Variants in LSAMP observed in about 807,000 individuals in gnomAD.
LSAMP encodes limbic system-associated membrane protein.
In LSAMP, 7 loss-of-function variants were observed where a neutral mutation model predicts 38.6. That is an observed-to-expected ratio of 0.18 (90% CI 0.10 to 0.34). The LOEUF is 0.34. Among genes scored for constraint, LSAMP ranks in the 10% least tolerant of loss-of-function variants. LSAMP has a pLI of 1.00. For missense variants in LSAMP, 313 were observed against 420.0 expected, an observed-to-expected ratio of 0.75 and a Z score of 2.23; for synonymous variants, 154 against 166.8, an observed-to-expected ratio of 0.92 and a Z score of 0.59.
intron 6 of LSAMP, among the ~76,000 whole-genome samples, chr3:115,837,042 G>A (rs554519391): frequency 2.6e-5 from 4 of 151,864 alleles, no homozygotes; most frequent in Admixed American, 2.6e-4. Context: ...ACTGTGCTTG[G>A]CCTAGGCTTT....
chr3:116,352,362 T>C (rs982365634), intron 1 of LSAMP, among the ~76,000 whole-genome samples: 2 of 152,060 alleles, frequency 1.3e-5, no homozygotes, highest in Non-Finnish European at 2.9e-5. Context: ...GATCTTGCCA[T>C]TCAACCCTAA....
intron 3 of LSAMP, among the ~76,000 whole-genome samples, chr3:115,907,859 C>A (rs963691478): frequency 1.4e-4 from 21 of 152,100 alleles, no homozygotes; most frequent in African/African-American, 4.6e-4. Flanking sequence ...AATGTGACAT[C>A]ATTTAGGGGC....
intron 1 of LSAMP, among the ~76,000 whole-genome samples, chr3:116,281,597 T>C (rs989141126): frequency 6.6e-6 from 1 of 152,184 alleles, no homozygotes; most frequent in African/African-American, 2.4e-5. Context: ...TATGAAAGCA[T>C]GTTGTAATAT....
At chr3:116,353,034 C>G (rs1176363917) in intron 1 of LSAMP, among the ~76,000 whole-genome samples, 6 of 151,974 alleles carry the variant, frequency 3.9e-5, no homozygotes, top group Admixed American at 3.9e-4. Flanking sequence ...GGCTCTGTAC[C>G]CTTAGAGTTT....
At chr3:116,177,693 G>T (rs1576413719) in intron 1 of LSAMP, among the ~76,000 whole-genome samples, 1 of 152,152 alleles carries the variant, frequency 6.6e-6, no homozygotes, top group East Asian at 1.9e-4. Flanking sequence ...GAGAAAAAAA[G>T]TGAGGGGAGC....
rs561396726 is a variant in LSAMP at position 115,862,477 on chromosome 3, C to T, written c.515-9860G>A. 2.0e-4 allele frequency among the ~76,000 whole-genome samples: 31 copies of T among 152,292 alleles called. 1 individual carries two copies. The South Asian group carries it at 6.2e-3, about 30-fold the overall frequency. Reference sequence around the variant, plus strand: ...GTTGCAATGACCTCATATAGGTTCACCCTAAAATCCCAGATCTACTTCTTC... The same window carrying T: ...GTTGCAATGACCTCATATAGGTTCATCCTAAAATCCCAGATCTACTTCTTC... On this transcript the variant is annotated intron_variant, in intron 3 of 6. Coordinates refer to ENST00000490035, the MANE Select transcript of LSAMP (RefSeq NM_002338.5).
At chr3:116,007,616 C>T (rs112280168) in intron 3 of LSAMP, among the ~76,000 whole-genome samples, 1 of 152,126 alleles carries the variant, frequency 6.6e-6, no homozygotes, top group Non-Finnish European at 1.5e-5. Flanking sequence ...GACAGAAATT[C>T]TAACCAAACA....
chr3:115,836,670 C>T (rs1317379065), intron 6 of LSAMP, among the ~76,000 whole-genome samples: 2 of 145,174 alleles, frequency 1.4e-5, no homozygotes, highest in Non-Finnish European at 3.0e-5. Flanking sequence ...AGTGGGTGGG[C>T]GAGGGGAGGC....
intron 3 of LSAMP, among the ~76,000 whole-genome samples, chr3:115,952,988 C>T (rs1032966363): frequency 2.0e-5 from 3 of 152,122 alleles, no homozygotes; most frequent in African/African-American, 7.2e-5. Flanking sequence ...AATGTTAATT[C>T]CATGTTACAG....
chr3:116,130,615 T>C (rs923990026), intron 1 of LSAMP, among the ~76,000 whole-genome samples: 2 of 152,256 alleles, frequency 1.3e-5, no homozygotes, highest in Non-Finnish European at 2.9e-5. Flanking sequence ...TTCTTTTTGA[T>C]GGTAATAATG....
At chr3:116,154,691 CAT>C (rs1709700065) in intron 1 of LSAMP, among the ~76,000 whole-genome samples, 1 of 152,100 alleles carries the variant, frequency 6.6e-6, no homozygotes, top group African/African-American at 2.4e-5. Flanking sequence ...GGCCTTCACA[CAT>C]ATCCTTCCCC....
intron 1 of LSAMP, among the ~76,000 whole-genome samples, chr3:116,147,679 T>C (rs1709520321): frequency 6.6e-6 from 1 of 151,876 alleles, no homozygotes; most frequent in Admixed American, 6.6e-5. Context: ...CCATATTTAG[T>C]CCTCGGGTCC....
chr3:116,204,806 C>A (rs1284449982), intron 1 of LSAMP, among the ~76,000 whole-genome samples: 8 of 149,080 alleles, frequency 5.4e-5, no homozygotes, highest in Non-Finnish European at 1.0e-4. Flanking sequence ...TTACTGTAGC[C>A]TTGTAGTATA....
At chr3:115,941,821 A>G (rs1357363290) in intron 3 of LSAMP, among the ~76,000 whole-genome samples, 2 of 152,128 alleles carry the variant, frequency 1.3e-5, no homozygotes, top group African/African-American at 4.8e-5. Context: ...GATACTGATC[A>G]AAGAATAGAA....
At chr3:116,198,772 G>GAAA (rs71141858) in intron 1 of LSAMP, among the ~76,000 whole-genome samples, 2 of 103,228 alleles carry the variant, frequency 1.9e-5, no homozygotes, top group Admixed American at 1.2e-4. Flanking sequence ...CTCCGTCTCA[G>GAAA]AAAAAAAAAG....
chr3:116,322,135 G>T (rs143213187), intron 1 of LSAMP, among the ~76,000 whole-genome samples: 187 of 152,202 alleles, frequency 1.2e-3, no homozygotes, highest in Non-Finnish European at 1.8e-3. Context: ...CAACAGAAAG[G>T]GTCAGGAGAA....
intron 1 of LSAMP, among the ~76,000 whole-genome samples, chr3:116,314,278 C>T (rs62271411): frequency 0.067 from 10,212 of 152,126 alleles, 475 homozygotes; most frequent in Non-Finnish European, 0.1. Context: ...CGCTAATTTG[C>T]GAAACTGAAT....
chr3:116,188,125 C>A (rs1182442743), intron 1 of LSAMP, among the ~76,000 whole-genome samples: 1 of 152,152 alleles, frequency 6.6e-6, no homozygotes, highest in South Asian at 2.1e-4. Flanking sequence ...GTGCTCCTTA[C>A]TGGTGTCAAA....
chr3:116,186,349 G>C (rs1360037766), intron 1 of LSAMP, among the ~76,000 whole-genome samples: 1 of 152,136 alleles, frequency 6.6e-6, no homozygotes, highest in Non-Finnish European at 1.5e-5. Flanking sequence ...ATCTGTAGAA[G>C]TGTTTTATGT....
Sources: gnomAD v4.1 joint callset for allele counts (sites outside exome capture counted in the v4.1 genomes callset) on GRCh38, gnomAD v4.1.1 for gene constraint, MANE v1.5 for transcripts, NCBI Gene and HGNC (gene_info 2026-07-23, HGNC 2026-07-21) for gene names.